Variants in OR1L8 observed in about 807,000 individuals in gnomAD.
OR1L8 encodes olfactory receptor family 1 subfamily L member 8, also known as olfactory receptor 1L8.
For missense variants in OR1L8, 330 were observed against 377.4 expected (o/e 0.87, Z 1.04); for synonymous variants, 148 against 147.0 (o/e 1.01, Z -0.05).
chr9:122,567,781 A>T lies in OR1L8; in HGVS notation c.697T>A (p.Ser233Thr), dbSNP rs1174026914. Residue 233 changes from serine to threonine, a missense_variant, in exon 5 of 5, where the codon TCT becomes ACT. Transcript: ENST00000641027. ...LTTVLKIPST[S>T]GKRKAFSTCG... ...GTGGAGAAGGCTTTGCGTTTCCCAG[A>T]AGTAGAGGGAATCTTGAGAACTGTA... 1 of 1,614,038 alleles carries T rather than the reference A, an allele frequency of 6.2e-7. No individual in the cohort carries two copies. Among genetic ancestry groups the T allele is most frequent in the Non-Finnish European group, 8.5e-7 (1 of 1,179,926 alleles).
chr9:122,581,716 G>A (rs865911671), intron 1 of OR1L8, among the ~76,000 whole-genome samples: 1 of 152,120 alleles, frequency 6.6e-6, no homozygotes, highest in Non-Finnish European at 1.5e-5. Context: ...GGAGGCTGAG[G>A]CGGGTAGATC....
chr9:122,562,627 CGT>C (rs1829371696), downstream of OR1L8, among the ~76,000 whole-genome samples: 1 of 152,166 alleles, frequency 6.6e-6, no homozygotes, highest in Non-Finnish European at 1.5e-5. Flanking sequence ...CCTTCCTCTC[CGT>C]GTGTCATACC....
chr9:122,572,005 G>A (rs1277837409), intron 4 of OR1L8, among the ~76,000 whole-genome samples: 1 of 152,206 alleles, frequency 6.6e-6, no homozygotes. Context: ...TTCTGGGGAG[G>A]CCTCAGGAAA....
intron 4 of OR1L8, among the ~76,000 whole-genome samples, chr9:122,572,026 T>C (rs1455541669): frequency 6.6e-6 from 1 of 152,158 alleles, no homozygotes; most frequent in Admixed American, 6.5e-5. Flanking sequence ...CTTTTATTCA[T>C]GGTGGAAGGC....
At chr9:122,554,302 A>AAC in the OR1L8 span, 1 of 650,634 alleles carries the variant, frequency 1.5e-6, no homozygotes. Flanking sequence ...AAAAAAAAAA[A>AAC]GAGTGTTTCA....
chr9:122,553,164 T>C, the OR1L8 span: 1 of 1,583,180 alleles, frequency 6.3e-7, no homozygotes, highest in East Asian at 2.2e-5. Flanking sequence ...AAATAAATAC[T>C]GACACATGGA....
the OR1L8 span, among the ~76,000 whole-genome samples, chr9:122,555,230 A>G: frequency 6.6e-6 from 1 of 152,226 alleles, no homozygotes; most frequent in Non-Finnish European, 1.5e-5. Context: ...TAATAAAGGA[A>G]GGTATGCCCT....
chr9:122,564,231 T>C (rs1314893488), downstream of OR1L8, among the ~76,000 whole-genome samples: 1 of 152,232 alleles, frequency 6.6e-6, no homozygotes, highest in East Asian at 1.9e-4. Context: ...AGATCCAACT[T>C]ACGGTGTGTC....
intron 1 of OR1L8, among the ~76,000 whole-genome samples, chr9:122,581,685 G>A (rs75405215): frequency 0.06 from 9,198 of 152,134 alleles, 387 homozygotes; most frequent in Middle Eastern, 0.099. Context: ...AGTGGCTCAT[G>A]TCTGTAATCC....
At chr9:122,578,157 G>T (rs1428554780) in intron 2 of OR1L8, among the ~76,000 whole-genome samples, 167 bp downstream of exon 2, 1 of 152,162 alleles carries the variant, frequency 6.6e-6, no homozygotes, top group Non-Finnish European at 1.5e-5. Context: ...AGGAAAAGAA[G>T]TCATTATACA....
chr9:122,556,002 C>T, the OR1L8 span, among the ~76,000 whole-genome samples: 1 of 152,198 alleles, frequency 6.6e-6, no homozygotes, highest in Non-Finnish European at 1.5e-5. Context: ...TTTCACTGCC[C>T]TACAAATCCT....
At chr9:122,569,828 C>A (rs10818719) in intron 4 of OR1L8, among the ~76,000 whole-genome samples, 35,296 of 151,256 alleles carry the variant, frequency 0.23, 4,571 homozygotes, top group Middle Eastern at 0.34. Context: ...ATCCCTCCCC[C>A]CTGCCCCCAC....
At chr9:122,555,759 TA>T in the OR1L8 span, among the ~76,000 whole-genome samples, 1 of 152,196 alleles carries the variant, frequency 6.6e-6, no homozygotes. Context: ...TTTTGGTTTA[TA>T]GAAAAATTGA....
At chr9:122,553,577 ATAT>A in the OR1L8 span, 1 of 1,614,100 alleles carries the variant, frequency 6.2e-7, no homozygotes, top group South Asian at 1.1e-5. Context: ...CTGTGATGGC[ATAT>A]GACCGCTATG....
Position 122,568,102 on chromosome 9 carries a change from C to T in OR1L8, c.376G>A (p.Ala126Thr). The change falls in exon 5 of 5, where the codon GCC (alanine) becomes ACC (threonine). Residue 126 changes from alanine to threonine, a missense_variant. Coordinates refer to ENST00000641027, the MANE Select transcript of OR1L8 (RefSeq NM_001004454.2). ...ACATAGTGGAAAGGGTCACAGACGGCCACATAGCGGTCAAAGGCCATGACT... is the reference window on the plus strand; with the variant it reads ...ACATAGTGGAAAGGGTCACAGACGGTCACATAGCGGTCAAAGGCCATGACT... ...LAVMAFDRYV[A>T]VCDPFHYVTT... is the part of the protein sequence containing the mutation. The T allele has an allele frequency of 6.2e-7, 1 of 1,613,930 alleles. No individual in the cohort carries two copies. Among genetic ancestry groups the T allele is most frequent in the Non-Finnish European group, 8.5e-7 (1 of 1,179,946 alleles).
At chr9:122,570,702 C>A (rs1300792185) in intron 4 of OR1L8, among the ~76,000 whole-genome samples, 1 of 152,130 alleles carries the variant, frequency 6.6e-6, no homozygotes, top group Non-Finnish European at 1.5e-5. Flanking sequence ...ATCTCACATG[C>A]TTAAAATATC....
At chr9:122,570,444 G>C (rs1255001087) in intron 4 of OR1L8, among the ~76,000 whole-genome samples, 12 of 152,096 alleles carry the variant, frequency 7.9e-5, no homozygotes, top group Admixed American at 7.9e-4. Flanking sequence ...TTTATATATT[G>C]ATGTACTAAA....
At chr9:122,562,267 C>T (rs1829366322), downstream of OR1L8, among the ~76,000 whole-genome samples, 2 of 152,368 alleles carry the variant, frequency 1.3e-5, no homozygotes, top group Admixed American at 1.3e-4. Flanking sequence ...AGGCAGCTAG[C>T]AGTCCCAGTG....
At chr9:122,553,719 G>C in the OR1L8 span, 2 of 1,613,940 alleles carry the variant, frequency 1.2e-6, no homozygotes, top group Non-Finnish European at 1.7e-6. Context: ...GACCCGCGTG[G>C]CTTTCTGTGC....
Sources: gnomAD v4.1 joint callset for allele counts (sites outside exome capture counted in the v4.1 genomes callset) on GRCh38, gnomAD v4.1.1 for gene constraint, MANE v1.5 for transcripts, NCBI Gene and HGNC (gene_info 2026-07-23, HGNC 2026-07-21) for gene names.